Variants in ADGRG4 observed in about 807,000 individuals in gnomAD.
The protein encoded by ADGRG4 is adhesion G protein-coupled receptor G4.
In ADGRG4, 122 loss-of-function variants were observed where a neutral mutation model predicts 126.2. That is an observed-to-expected ratio of 0.97 (90% CI 0.83 to 1.12). The LOEUF (loss-of-function observed/expected upper bound fraction) is 1.12. Among genes scored for constraint, ADGRG4 ranks in the 50% most tolerant of loss-of-function variants. The pLI is 0.00. For missense variants in ADGRG4, 2,481 were observed against 2,251.8 expected (o/e 1.10, Z -2.06); for synonymous variants, 943 against 838.7 (o/e 1.12, Z -2.15).
intron 13 of ADGRG4, among the ~76,000 whole-genome samples, chrX:136,370,768 G>C (rs184849989): frequency 8.9e-6 from 1 of 111,890 alleles, no homozygotes; most frequent in African/African-American, 3.2e-5. Context: ...TTCTACTTTT[G>C]TGTATGCTTG....
chrX:136,411,738 C>A (rs2148502865), intron 23 of ADGRG4, among the ~76,000 whole-genome samples: 1 of 112,109 alleles, frequency 8.9e-6, no homozygotes, highest in South Asian at 3.8e-4. Flanking sequence ...TTGACTGGGG[C>A]TGGGGAATGT....
At chrX:136,395,607 T>C in intron 19 of ADGRG4, 114 bp downstream of exon 19, 1 of 398,899 alleles carries the variant, frequency 2.5e-6, no homozygotes, top group East Asian at 4.2e-5. Flanking sequence ...AAATCCCCCT[T>C]CCAATTTGTT....
intron 4 of ADGRG4, among the ~76,000 whole-genome samples, chrX:136,310,865 G>A (rs964123689): frequency 1.8e-5 from 2 of 111,590 alleles, no homozygotes; most frequent in African/African-American, 6.5e-5. Context: ...GAGGGCCTAG[G>A]ACTTAGGCTG....
At chrX:136,360,532 C>T (rs1345558403) in intron 11 of ADGRG4, among the ~76,000 whole-genome samples, 2 of 110,869 alleles carry the variant, frequency 1.8e-5, no homozygotes, top group Non-Finnish European at 3.8e-5. Context: ...CACTTAAGGT[C>T]AAGAGTTTGA....
At chrX:136,393,029 G>C (rs1441855767) in intron 17 of ADGRG4, among the ~76,000 whole-genome samples, 2 of 111,945 alleles carry the variant, frequency 1.8e-5, no homozygotes, top group Non-Finnish European at 3.8e-5. Flanking sequence ...TTTGGTCTGG[G>C]CTACAGCACT....
intron 9 of ADGRG4, among the ~76,000 whole-genome samples, chrX:136,356,720 A>C (rs1335776738): frequency 8.9e-6 from 1 of 112,479 alleles, no homozygotes; most frequent in East Asian, 2.8e-4. Flanking sequence ...TACAGGGGCC[A>C]GAAGCAGTGA....
intron 5 of ADGRG4, among the ~76,000 whole-genome samples, chrX:136,334,809 A>T (rs1386756287): frequency 8.9e-6 from 1 of 112,069 alleles, no homozygotes; most frequent in African/African-American, 3.2e-5. Context: ...AAGTTCTGGT[A>T]GATTTTTTTC....
At chrX:136,306,546 C>G (rs1419490091) in intron 3 of ADGRG4, among the ~76,000 whole-genome samples, 1 of 110,502 alleles carries the variant, frequency 9.0e-6, no homozygotes, top group Non-Finnish European at 1.9e-5. Context: ...CTTCCTCTCT[C>G]TCTCCCTTTC....
intron 5 of ADGRG4, among the ~76,000 whole-genome samples, chrX:136,329,338 T>C (rs751462662): frequency 8.9e-6 from 1 of 112,045 alleles, no homozygotes; most frequent in Non-Finnish European, 1.9e-5. Context: ...ACAAAATGCC[T>C]CATAAATATT....
intron 5 of ADGRG4, among the ~76,000 whole-genome samples, chrX:136,343,057 A>C (rs1979841569): frequency 9.1e-6 from 1 of 109,973 alleles, no homozygotes. Context: ...TCCAAGTGAA[A>C]GATGATGGTG....
intron 12 of ADGRG4, among the ~76,000 whole-genome samples, chrX:136,363,001 TG>T (rs2075137482): frequency 1.8e-5 from 2 of 111,332 alleles, no homozygotes; most frequent in South Asian, 7.6e-4. Flanking sequence ...TGAAATGAAC[TG>T]GCTTGAATTG....
intron 15 of ADGRG4, among the ~76,000 whole-genome samples, chrX:136,380,595 CTCCTCCTCCTCT>C (rs1489378931): frequency 2.6e-5 from 2 of 76,929 alleles, no homozygotes; most frequent in Non-Finnish European, 5.2e-5. Flanking sequence ...CCTCCTCCTC[CTCCTCCTCCTCT>C]TCTTCTTCTT....
intron 13 of ADGRG4, 23 bp from the exon 14 acceptor site, chrX:136,371,304 TA>T: frequency 2.8e-6 from 3 of 1,065,293 alleles, no homozygotes; most frequent in Non-Finnish European, 3.8e-6. Context: ...ATGCAGCTTT[TA>T]TGTCTCAACT....
intron 22 of ADGRG4, among the ~76,000 whole-genome samples, chrX:136,404,832 A>AACAC (rs750812806): frequency 9.0e-6 from 1 of 111,189 alleles, no homozygotes; most frequent in African/African-American, 3.3e-5. Flanking sequence ...ACATGTTTGC[A>AACAC]ACACACACAC....
At position 136,344,603 on chromosome X, in the gene ADGRG4, A is replaced by C; in HGVS notation, c.897A>C (p.Ala299=). Residue 299 remains alanine, a synonymous_variant, in exon 6 of 26, where the codon GCA becomes GCC. Coordinates refer to ENST00000394143, the MANE Select transcript of ADGRG4 (RefSeq NM_153834.4). The part of the protein sequence containing the change: ...TTSPPLETMT[A]QKILKTLVDE... ...CTCCACCTCTGGAAACAATGACTGC[A>C]CAAAAAATCTTAAAGACACTGGTAG... 1 of 1,208,641 alleles carries C rather than the reference A, an allele frequency of 8.3e-7. No individual in the cohort carries two copies. The highest frequency in any genetic ancestry group is 1.1e-6 in the Non-Finnish European group (1 of 893,188).
chrX:136,408,537 A>G (rs1272546846), intron 23 of ADGRG4, among the ~76,000 whole-genome samples: 3 of 112,311 alleles, frequency 2.7e-5, no homozygotes, highest in Non-Finnish European at 5.6e-5. Flanking sequence ...GCTGCTGCAA[A>G]TGACATGATC....
At chrX:136,333,524 A>G (rs1208782363) in intron 5 of ADGRG4, among the ~76,000 whole-genome samples, 2 of 110,939 alleles carry the variant, frequency 1.8e-5, no homozygotes, top group Admixed American at 1.9e-4. Context: ...TTATTTATTT[A>G]TTTATTTATT....
In ADGRG4 at chrX:136,371,465, CAT is replaced by C. The variant is rs753865077; in HGVS notation, c.7535_7536del (p.His2512ArgfsTer19). 8.4e-7 allele frequency: 1 copy of C among 1,195,406 alleles called. No homozygotes were observed. Among genetic ancestry groups the C allele is most frequent in the East Asian group, 3.0e-5 (1 of 33,673 alleles). On this transcript the variant is annotated frameshift_variant, in exon 14 of 26. Coordinates refer to ENST00000394143, the MANE Select transcript of ADGRG4 (RefSeq NM_153834.4). LOFTEE classifies it high-confidence loss of function. ...TGATGAGATAAGTATGAACCTAACT[CAT>C]GTTATGTTACAAATAATCAACGTTG... The part of the protein sequence containing the change: ...QCDEISMNLT[H>X]VMLQIINVVL...
At chrX:136,314,937 G>A (rs919978890) in intron 4 of ADGRG4, among the ~76,000 whole-genome samples, 4 of 111,510 alleles carry the variant, frequency 3.6e-5, no homozygotes, top group African/African-American at 1.3e-4. Context: ...TCCAAGATTT[G>A]AAGGAAAAAT....
Sources: gnomAD v4.1 joint callset for allele counts (sites outside exome capture counted in the v4.1 genomes callset) on GRCh38, gnomAD v4.1.1 for gene constraint, MANE v1.5 for transcripts, NCBI Gene and HGNC (gene_info 2026-07-23, HGNC 2026-07-21) for gene names.